Variants in ODF2 observed in about 807,000 individuals in gnomAD.
The protein encoded by ODF2 is outer dense fiber protein 2.
In ODF2, 47 loss-of-function variants were observed where a neutral mutation model predicts 110.2. That is an observed-to-expected ratio of 0.43 (90% CI 0.34 to 0.54). The LOEUF (loss-of-function observed/expected upper bound fraction) is 0.54, where lower values mean the gene tolerates loss of function less well. ODF2 is among the 20% of genes least tolerant of loss of function. The pLI, the probability that ODF2 is intolerant of heterozygous loss-of-function variation, is 0.03. For synonymous variants in ODF2, 352 were observed against 397.7 expected (o/e 0.89, Z 1.37); for missense variants, 812 against 1,054.5 (o/e 0.77, Z 3.19).
intron 8 of ODF2, among the ~76,000 whole-genome samples, chr9:128,475,225 G>A (rs1170679964): frequency 6.6e-6 from 1 of 152,140 alleles, no homozygotes; most frequent in African/African-American, 2.4e-5. Flanking sequence ...AGGTACACAA[G>A]TATATACAAA....
Position 128,494,861 on chromosome 9 carries a change from T to C in ODF2, c.1911+193T>C. On this transcript the variant is annotated intron_variant, in intron 17 of 20. Transcript: ENST00000604420. This position sits in a 1 kb window ranked among gnomAD's most constrained non-coding sequence, Gnocchi z 4.6. Reference sequence around the variant, plus strand: ...ATGCCATGTGTTTGCACAAAGTGATTGTAGTTATAGGAGCCGTCACTTGCG... The same window carrying C: ...ATGCCATGTGTTTGCACAAAGTGATCGTAGTTATAGGAGCCGTCACTTGCG... 1 of 1,471,470 alleles carries C rather than the reference T, an allele frequency of 6.8e-7. No individual in the cohort carries two copies. Among genetic ancestry groups the C allele is most frequent in the Non-Finnish European group, 9.0e-7 (1 of 1,113,182 alleles). 91.2% of individuals were successfully genotyped at this position (1,471,470 alleles called of 1,614,324 possible). A position where few individuals can be genotyped will look rare whatever the true frequency, so the allele number is the denominator to read the frequency against.
At chr9:128,476,433 G>A (rs1374076033) in intron 8 of ODF2, among the ~76,000 whole-genome samples, 2 of 151,924 alleles carry the variant, frequency 1.3e-5, no homozygotes, top group African/African-American at 4.8e-5. Flanking sequence ...GATTACAGGT[G>A]CATGCCACCA....
At chr9:128,457,402 A>G in exon 2 of ODF2, 1 of 1,613,182 alleles carries the variant, frequency 6.2e-7, no homozygotes, top group Non-Finnish European at 8.5e-7. Context: ...TTTGATGCCT[A>G]GCCATGTCTG....
Position 128,471,486 on chromosome 9 carries a change from C to T in ODF2, c.581+18C>T. 3 of 1,608,820 alleles carry T rather than the reference C, an allele frequency of 1.9e-6. No homozygotes were observed. The highest frequency in any genetic ancestry group is 2.5e-6 in the Non-Finnish European group (3 of 1,177,822). ...TTCACCATGTAAGGTGGCTCCTGCT[C>T]TGTCCCCGCTGATCTATTCCTCCCT... is the stretch of plus-strand genomic sequence containing the variant. On this transcript the variant is annotated intron_variant, in intron 6 of 20. Coordinates refer to ENST00000604420, the Ensembl canonical transcript of ODF2.
chr9:128,496,415 AG>A, intron 18 of ODF2: 1 of 1,171,412 alleles, frequency 8.5e-7, no homozygotes, highest in Non-Finnish European at 1.1e-6. Context: ...TGCCTGGTCC[AG>A]GCCTGCCAGG....
In ODF2 at chr9:128,460,484, G is replaced by A. The variant is rs772032598; in HGVS notation, c.124-458G>A. ...GTGGCCCCCAGAGGCTGTGAGCTCT[G>A]TTTTTATGCCCAGTTTACTCATCCA... On this transcript the variant is annotated intron_variant, in intron 3 of 20. Transcript: ENST00000604420. 3.8e-6 allele frequency: 6 copies of A among 1,588,314 alleles called. No homozygotes were observed. The South Asian group carries it at 4.6e-5, about 12-fold the overall frequency.
exon 9 of ODF2, chr9:128,481,611 C>T: frequency 6.2e-7 from 1 of 1,613,986 alleles, no homozygotes; most frequent in South Asian, 1.1e-5. Context: ...CAACAAGGAG[C>T]ACTGCTGAAA....
At chr9:128,486,721 GTCTT>G (rs1344469438) in intron 13 of ODF2, among the ~76,000 whole-genome samples, 4 of 152,190 alleles carry the variant, frequency 2.6e-5, no homozygotes, top group African/African-American at 4.8e-5. Context: ...CTAAGTTGGC[GTCTT>G]TCTATTTGTG....
intron 8 of ODF2, among the ~76,000 whole-genome samples, chr9:128,479,058 G>A (rs2131922503): frequency 6.6e-6 from 1 of 152,286 alleles, no homozygotes; most frequent in Non-Finnish European, 1.5e-5. Flanking sequence ...GGCCTGGAGG[G>A]CAGTGAGAAC....
chr9:128,497,448 T>G (rs71481346), intron 18 of ODF2: 1 of 25,042 alleles, frequency 4.0e-5, no homozygotes, highest in South Asian at 1.5e-3. Context: ...AAAAAAAAAA[T>G]ATATATATAT....
At chr9:128,456,389 C>T (rs962375184) in intron 1 of ODF2, 134 bp downstream of exon 1, 281 of 1,438,628 alleles carry the variant, frequency 2.0e-4, no homozygotes, top group Non-Finnish European at 2.1e-4. Flanking sequence ...TGCGCTCGTC[C>T]CCCTCCTGTC....
rs558914683 is a variant in ODF2, at chr9:128,498,172, C to T, written c.2013-241C>T. On this transcript the variant is annotated intron_variant, in intron 18 of 20. Coordinates refer to ENST00000604420, the Ensembl canonical transcript of ODF2. ...TCCATGTGATGCTATCCACACTTAA[C>T]AAAGCCCACGGTCAGTCTCTGCGTT... The T allele has an allele frequency of 1.5e-4, 60 of 391,642 alleles. No individual in the cohort carries two copies. In the South Asian group the frequency reaches 2.0e-3, roughly 13 times the overall value. 24.3% of individuals were successfully genotyped at this position (391,642 alleles called of 1,614,324 possible).
chr9:128,490,603 A>G (rs1034451890), intron 14 of ODF2, among the ~76,000 whole-genome samples: 1 of 152,148 alleles, frequency 6.6e-6, no homozygotes, highest in Non-Finnish European at 1.5e-5. Context: ...TATAATTATA[A>G]AAGTTAAATA....
rs1474126558 is a variant in ODF2, at chr9:128,488,048, C to G, written c.1536+23C>G. 4 of 1,612,822 alleles carry G rather than the reference C, an allele frequency of 2.5e-6. No individual in the cohort carries two copies. In the African/African-American group the frequency reaches 5.3e-5, roughly 22 times the overall value. On this transcript the variant is annotated intron_variant, in intron 14 of 20. Transcript: ENST00000604420. Reference sequence around the variant, plus strand: ...AAGGTTCGCAGTGAGAGCTGGGGACCAGGCAGCTGGATGGGGCCCAGCGAG... The same window carrying G: ...AAGGTTCGCAGTGAGAGCTGGGGACGAGGCAGCTGGATGGGGCCCAGCGAG...
At chr9:128,466,865 T>G (rs1265229492) in intron 4 of ODF2, among the ~76,000 whole-genome samples, 1 of 146,182 alleles carries the variant, frequency 6.8e-6, no homozygotes, top group African/African-American at 2.5e-5. Flanking sequence ...TAGTCTCAGC[T>G]ACTCGGGAGG....
intron 4 of ODF2, among the ~76,000 whole-genome samples, chr9:128,462,783 C>T (rs150848754): frequency 9.9e-5 from 15 of 151,668 alleles, no homozygotes; most frequent in African/African-American, 7.3e-5. Flanking sequence ...ATGGTAGAGA[C>T]GGGGTTTCAC....
At chr9:128,482,309 G>A (rs527727055) in intron 9 of ODF2, among the ~76,000 whole-genome samples, 1 of 152,322 alleles carries the variant, frequency 6.6e-6, no homozygotes, top group East Asian at 1.9e-4. Flanking sequence ...AGCAAGCTCG[G>A]CGATAATGCC....
rs751181164 is a variant in ODF2 at position 128,494,574 on chromosome 9, C to T, written c.1817C>T (p.Thr606Met). Residue 606 changes from threonine (T) to methionine (M), a missense_variant, in exon 17 of 21, where the codon ACG becomes ATG. Thr to Met is a moderately conservative substitution (Grantham distance 81, BLOSUM62 -1). Coordinates refer to ENST00000604420, the Ensembl canonical transcript of ODF2. This position sits in a 1 kb window ranked among gnomAD's most constrained non-coding sequence, Gnocchi z 4.6. ...CAGCTCCCTGACATCCTGAAGATCA[C>T]GGAGGCGAAGCTGGCTGAGTGCCAA... 17 of 1,614,028 alleles carry T rather than the reference C, an allele frequency of 1.1e-5. No individual in the cohort carries two copies. Among genetic ancestry groups the T allele is most frequent in the Admixed American group, 1.7e-5 (1 of 59,998 alleles).
intron 14 of ODF2, among the ~76,000 whole-genome samples, chr9:128,491,076 C>T (rs1360804479): frequency 6.6e-6 from 1 of 151,860 alleles, no homozygotes; most frequent in Non-Finnish European, 1.5e-5. Flanking sequence ...TGATCTCAAA[C>T]TCCAGACCTC....
Sources: allele counts gnomAD v4.1 joint callset (sites outside exome capture counted in the v4.1 genomes callset), GRCh38; gene constraint gnomAD v4.1.1; non-coding constraint Gnocchi (gnomAD v3.1); transcripts MANE v1.5; gene names NCBI Gene and HGNC (gene_info 2026-07-23, HGNC 2026-07-21).